The following EPHA6 variants were observed in gnomAD, a reference collection of about 807,000 sequenced individuals.
The protein encoded by EPHA6 is ephrin type-A receptor 6.
EPHA6 carries 50 observed loss-of-function variants against 112.0 expected under a neutral mutation model. That is an observed-to-expected ratio of 0.45 (90% confidence interval 0.36 to 0.56). The LOEUF (loss-of-function observed/expected upper bound fraction) is 0.56, where lower values mean the gene tolerates loss of function less well. Ranked by LOEUF, EPHA6 falls within the 20% of genes least tolerant of loss-of-function variation. The pLI, the probability that EPHA6 is intolerant of heterozygous loss-of-function variation, is 0.00. For missense variants in EPHA6, 1,280 were observed against 1,417.4 expected, an observed-to-expected ratio of 0.90 and a Z score of 1.56; for synonymous variants, 529 against 490.7, an observed-to-expected ratio of 1.08 and a Z score of -1.03.
intron 15 of EPHA6, among the ~76,000 whole-genome samples, chr3:97,728,793 T>G (rs1454734635): frequency 1.3e-5 from 2 of 152,182 alleles, no homozygotes; most frequent in Non-Finnish European, 2.9e-5. Flanking sequence ...TTCTCTAATG[T>G]TGTTTCCATG....
chr3:97,344,401 T>A (rs1021741412), intron 5 of EPHA6, among the ~76,000 whole-genome samples: 3 of 152,156 alleles, frequency 2.0e-5, no homozygotes, highest in Non-Finnish European at 2.9e-5. Flanking sequence ...GGGAAGTAAG[T>A]ACATCATGAG....
At chr3:97,170,091 T>C (rs2076657462) in intron 3 of EPHA6, among the ~76,000 whole-genome samples, 1 of 149,950 alleles carries the variant, frequency 6.7e-6, no homozygotes, top group South Asian at 2.1e-4. Flanking sequence ...GTAACAAACC[T>C]GCACATTTAG....
intron 14 of EPHA6, among the ~76,000 whole-genome samples, chr3:97,715,001 A>G (rs150442237): frequency 6.6e-6 from 1 of 152,326 alleles, no homozygotes; most frequent in African/African-American, 2.4e-5. Flanking sequence ...CCTTTCCAAT[A>G]TATATTATTC....
At chr3:97,242,818 T>A (rs2078885869) in intron 4 of EPHA6, among the ~76,000 whole-genome samples, 1 of 151,784 alleles carries the variant, frequency 6.6e-6, no homozygotes, top group African/African-American at 2.4e-5. Context: ...ATTTTTTTTT[T>A]AAATGAAGCC....
At chr3:96,992,150 G>A (rs373396252) in intron 3 of EPHA6, among the ~76,000 whole-genome samples, 4 of 152,104 alleles carry the variant, frequency 2.6e-5, no homozygotes, top group Non-Finnish European at 4.4e-5. Flanking sequence ...GATCAACAAC[G>A]TTATGAAGTG....
At chr3:97,526,698 G>T (rs4857062) in intron 10 of EPHA6, among the ~76,000 whole-genome samples, 2,306 of 152,246 alleles carry the variant, frequency 0.015, 128 homozygotes, top group Admixed American at 0.11. Flanking sequence ...GTCCCTTCAG[G>T]ATCTGTTATG....
rs190215771 is a variant in EPHA6 at position 97,747,450 on chromosome 3, G to C, written c.3156G>C (p.Pro1052=). ...LVMPESPGEV[P]EYPLFVTVGD... is the part of the protein sequence containing the mutation. Reference sequence around the variant, plus strand: ...TGCCAGAGTCCCCTGGTGAAGTTCCGGAATATCCTTTGTTTGTCACAGTTG... The same window carrying C: ...TGCCAGAGTCCCCTGGTGAAGTTCCCGAATATCCTTTGTTTGTCACAGTTG... The change falls in exon 17 of 18, where the codon CCG becomes CCC. Residue 1052 remains proline, a synonymous_variant. Transcript: ENST00000389672. The C allele has an allele frequency of 3.2e-6, 5 of 1,585,588 alleles. No individual in the cohort carries two copies. The East Asian group carries it at 1.1e-4, about 36-fold the overall frequency.
intron 7 of EPHA6, among the ~76,000 whole-genome samples, chr3:97,451,765 G>A (rs146259394): frequency 2.6e-5 from 4 of 151,848 alleles, no homozygotes; most frequent in African/African-American, 4.8e-5. Context: ...TTTTCTCTCC[G>A]TACCCTCCTG....
At chr3:97,238,245 T>C (rs778192790) in intron 4 of EPHA6, among the ~76,000 whole-genome samples, 2 of 151,968 alleles carry the variant, frequency 1.3e-5, no homozygotes, top group Admixed American at 6.6e-5. Flanking sequence ...CTTTATTAGT[T>C]AATATCAGTG....
chr3:96,994,761 A>AGAGAGAGAGAGAGAGAGAGAGC (rs2043353407), intron 3 of EPHA6, among the ~76,000 whole-genome samples: 9 of 137,100 alleles, frequency 6.6e-5, no homozygotes, highest in African/African-American at 2.5e-4. Flanking sequence ...AGAGAGAGAG[A>AGAGAGAGAGAGAGAGAGAGAGC]GCTATATATA....
At chr3:97,334,079 C>T (rs1277985444) in intron 5 of EPHA6, among the ~76,000 whole-genome samples, 2 of 151,730 alleles carry the variant, frequency 1.3e-5, no homozygotes, top group African/African-American at 4.8e-5. Context: ...TATTTTTTCG[C>T]TTGTTGATAT....
chr3:97,012,705 C>T (rs2044134864), intron 3 of EPHA6, among the ~76,000 whole-genome samples: 1 of 150,218 alleles, frequency 6.7e-6, no homozygotes, highest in Admixed American at 6.7e-5. Flanking sequence ...AGCAATCTGC[C>T]CCCCTCGGCC....
At chr3:97,236,776 C>A (rs959641345) in intron 4 of EPHA6, among the ~76,000 whole-genome samples, 2 of 152,044 alleles carry the variant, frequency 1.3e-5, no homozygotes, top group Admixed American at 1.3e-4. Context: ...TTCTTTAGTG[C>A]TGGAATAATT....
chr3:97,063,552 G>A (rs1313679862), intron 3 of EPHA6, among the ~76,000 whole-genome samples: 1 of 152,116 alleles, frequency 6.6e-6, no homozygotes, highest in Non-Finnish European at 1.5e-5. Context: ...CCTATGGTGG[G>A]GAAGAAGGGA....
intron 14 of EPHA6, among the ~76,000 whole-genome samples, chr3:97,693,858 T>C (rs922744151): frequency 2.6e-5 from 4 of 152,218 alleles, no homozygotes; most frequent in Admixed American, 2.6e-4. Flanking sequence ...AAGGTTTCAG[T>C]AAGCACTCAA....
At chr3:97,715,181 G>A (rs2034159389) in intron 14 of EPHA6, among the ~76,000 whole-genome samples, 3 of 152,254 alleles carry the variant, frequency 2.0e-5, no homozygotes, top group South Asian at 2.1e-4. Flanking sequence ...GTACCCACTC[G>A]TATGGCCTAT....
At chr3:97,468,016 C>T (rs1487878754) in intron 7 of EPHA6, among the ~76,000 whole-genome samples, 1 of 151,498 alleles carries the variant, frequency 6.6e-6, no homozygotes, top group East Asian at 1.9e-4. Context: ...TTGAGGTCAT[C>T]AGGAAGAGTG....
At chr3:97,526,058 C>A (rs2092615271) in intron 10 of EPHA6, among the ~76,000 whole-genome samples, 1 of 152,154 alleles carries the variant, frequency 6.6e-6, no homozygotes, top group Non-Finnish European at 1.5e-5. Flanking sequence ...AGGCTGAGAT[C>A]TTTAGCCCCC....
intron 12 of EPHA6, among the ~76,000 whole-genome samples, chr3:97,608,967 T>C (rs1344242345): frequency 6.6e-6 from 1 of 151,380 alleles, no homozygotes; most frequent in Non-Finnish European, 1.5e-5. Context: ...TTTCTATCCC[T>C]CAATTTCCAC....
Sources: allele counts gnomAD v4.1 joint callset (sites outside exome capture counted in the v4.1 genomes callset), GRCh38; gene constraint gnomAD v4.1.1; transcripts MANE v1.5; gene names NCBI Gene and HGNC (gene_info 2026-07-23, HGNC 2026-07-21).